Variants in SPAG16 observed in about 807,000 individuals in gnomAD.
SPAG16 encodes the protein sperm associated antigen 16.
SPAG16 carries 86 observed loss-of-function variants against 80.4 expected under a neutral mutation model. The observed-to-expected ratio is 1.07, with a 90% CI of 0.90 to 1.28. The LOEUF is 1.28. Among genes scored for constraint, SPAG16 ranks in the 50% most tolerant of loss-of-function variants. The pLI, the probability that SPAG16 is intolerant of heterozygous loss-of-function variation, is 0.00. For missense variants in SPAG16, 870 were observed against 765.3 expected (o/e 1.14, Z -1.61); for synonymous variants, 294 against 265.9 (o/e 1.11, Z -1.03).
intron 10 of SPAG16, among the ~76,000 whole-genome samples, chr2:213,715,222 G>GTCTA (rs1553615157): frequency 0.22 from 24,379 of 110,406 alleles, 2,137 homozygotes; most frequent in Admixed American, 0.27. Context: ...AGATCTATCT[G>GTCTA]TCTATCTATC....
At chr2:213,530,012 G>A (rs2125880352) in intron 10 of SPAG16, among the ~76,000 whole-genome samples, 1 of 152,224 alleles carries the variant, frequency 6.6e-6, no homozygotes, top group East Asian at 1.9e-4. Flanking sequence ...CCCACTGGAC[G>A]ATCTTCAGAG....
At chr2:213,943,980 A>T (rs181561263) in intron 12 of SPAG16, among the ~76,000 whole-genome samples, 16 of 152,346 alleles carry the variant, frequency 1.1e-4, no homozygotes, top group Non-Finnish European at 2.2e-4. Context: ...GAGCTATTCA[A>T]CTGCAAAAAC....
chr2:213,373,880 A>G, intron 8 of SPAG16, among the ~76,000 whole-genome samples: 1 of 152,188 alleles, frequency 6.6e-6, no homozygotes, highest in East Asian at 1.9e-4. Flanking sequence ...GTTTTTAATT[A>G]TTATCAGGTT....
chr2:213,876,750 C>G (rs1289310463), intron 11 of SPAG16, among the ~76,000 whole-genome samples: 1 of 152,054 alleles, frequency 6.6e-6, no homozygotes, highest in Non-Finnish European at 1.5e-5. Flanking sequence ...GGCCTTGTTT[C>G]TTGTTATAAC....
At chr2:213,953,191 C>G (rs1272681304) in intron 12 of SPAG16, among the ~76,000 whole-genome samples, 2 of 151,752 alleles carry the variant, frequency 1.3e-5, no homozygotes, top group Non-Finnish European at 1.5e-5. Flanking sequence ...TTTAATCCCC[C>G]AAAACTTAGA....
chr2:214,370,036 A>G (rs1206895795), intron 15 of SPAG16, among the ~76,000 whole-genome samples: 1 of 152,136 alleles, frequency 6.6e-6, no homozygotes, highest in East Asian at 1.9e-4. Context: ...CTGACCCTTC[A>G]TTTGGTTCTT....
intron 10 of SPAG16, among the ~76,000 whole-genome samples, chr2:213,857,045 C>A (rs990192117): frequency 4.6e-5 from 7 of 152,118 alleles, no homozygotes; most frequent in African/African-American, 1.7e-4. Flanking sequence ...GCCTGGCCAA[C>A]ATGGCGAAAC....
chr2:214,243,523 TATA>T (rs1689634187), intron 15 of SPAG16, among the ~76,000 whole-genome samples: 1 of 152,104 alleles, frequency 6.6e-6, no homozygotes, highest in African/African-American at 2.4e-5. Context: ...ATTATCTTTT[TATA>T]ATATCTTTGA....
At position 214,410,281 on chromosome 2, in the gene SPAG16, G is replaced by C. The variant is rs1702227605; in HGVS notation, c.1862G>C (p.Gly621Ala). 1 of 1,609,048 alleles carries C rather than the reference G, an allele frequency of 6.2e-7. No homozygotes were observed. The highest frequency in any genetic ancestry group is 8.5e-7 in the Non-Finnish European group (1 of 1,175,724). ...CACGACGGGGAGATTCTCTTTTCTG[G>C]AGGCTCTGACGGCACAGTTCGAACG... is the stretch of plus-strand genomic sequence containing the variant. The part of the protein sequence containing the change: ...FSHDGEILFS[G>A]GSDGTVRTWS Residue 621 changes from glycine to alanine, a missense_variant, in exon 16 of 16, where the codon GGA (glycine) becomes GCA (alanine). By Grantham distance (60) the Gly-to-Ala change is moderately conservative. Transcript: ENST00000331683.
chr2:214,152,584 G>C (rs960447403), intron 15 of SPAG16, among the ~76,000 whole-genome samples: 4 of 152,162 alleles, frequency 2.6e-5, no homozygotes, highest in Non-Finnish European at 5.9e-5. Context: ...GGCGACGAGA[G>C]AGTGTAGAAA....
chr2:214,097,972 G>A (rs959604952), intron 13 of SPAG16, among the ~76,000 whole-genome samples: 3 of 152,018 alleles, frequency 2.0e-5, no homozygotes, highest in South Asian at 2.1e-4. Flanking sequence ...GAGGCTTAGA[G>A]TGTTCCAAGG....
At chr2:213,453,501 A>T (rs1196373123) in intron 9 of SPAG16, among the ~76,000 whole-genome samples, 1 of 152,218 alleles carries the variant, frequency 6.6e-6, no homozygotes, top group Non-Finnish European at 1.5e-5. Flanking sequence ...TAAGCAGTTT[A>T]ATTATATTTT....
At chr2:214,346,159 T>C (rs530483831) in intron 15 of SPAG16, among the ~76,000 whole-genome samples, 12 of 152,356 alleles carry the variant, frequency 7.9e-5, no homozygotes, top group Non-Finnish European at 1.6e-4. Context: ...TATGAGAATA[T>C]ACCCACATGC....
intron 15 of SPAG16, among the ~76,000 whole-genome samples, chr2:214,199,231 T>C (rs907304986): frequency 1.3e-5 from 2 of 152,192 alleles, no homozygotes; most frequent in Admixed American, 1.3e-4. Context: ...AGTTTTATGG[T>C]TTCAGGTTTT....
intron 10 of SPAG16, among the ~76,000 whole-genome samples, chr2:213,748,377 A>G (rs2125477982): frequency 6.6e-6 from 1 of 152,250 alleles, no homozygotes; most frequent in Non-Finnish European, 1.5e-5. Flanking sequence ...ATAGGAGTAT[A>G]TACATGTCTT....
intron 5 of SPAG16, among the ~76,000 whole-genome samples, chr2:213,333,093 G>C (rs926118761): frequency 6.6e-6 from 1 of 152,036 alleles, no homozygotes; most frequent in African/African-American, 2.4e-5. Flanking sequence ...CAGATGATAT[G>C]ATCTTATATT....
intron 15 of SPAG16, among the ~76,000 whole-genome samples, chr2:214,181,997 A>C (rs2057322698): frequency 6.6e-6 from 1 of 151,818 alleles, no homozygotes; most frequent in African/African-American, 2.4e-5. Flanking sequence ...AGAACAGAAA[A>C]TGCAACAGTG....
intron 9 of SPAG16, among the ~76,000 whole-genome samples, chr2:213,423,519 C>T (rs751276181): frequency 1.3e-5 from 2 of 152,096 alleles, no homozygotes; most frequent in Non-Finnish European, 1.5e-5. Flanking sequence ...ATTCTCTGTG[C>T]CTTAGTGTCT....
At chr2:214,214,287 AGCCTCCCAAGTAGCT>A (rs2058373946) in intron 15 of SPAG16, among the ~76,000 whole-genome samples, 4 of 150,424 alleles carry the variant, frequency 2.7e-5, no homozygotes, top group African/African-American at 9.8e-5. Context: ...CTTTTGCCTC[AGCCTCCCAAGTAGCT>A]GGGATTACAG....
Sources: allele counts gnomAD v4.1 joint callset (sites outside exome capture counted in the v4.1 genomes callset), GRCh38; gene constraint gnomAD v4.1.1; transcripts MANE v1.5; gene names NCBI Gene and HGNC (gene_info 2026-07-23, HGNC 2026-07-21).